The following ERC2 variants were observed in gnomAD, a reference collection of about 807,000 sequenced individuals.
ERC2 encodes the protein ERC protein 2.
Under a neutral mutation model 114.8 loss-of-function variants are expected in ERC2, and 42 were observed. The ratio of observed to expected loss-of-function variants is 0.37; its 90% CI spans 0.29 to 0.47. The LOEUF (loss-of-function observed/expected upper bound fraction) is 0.47, where lower values mean the gene tolerates loss of function less well. ERC2 is among the 20% of genes least tolerant of loss of function. The pLI is 0.99. For missense variants in ERC2, 939 were observed against 1,150.7 expected (o/e 0.82, Z 2.66); for synonymous variants, 454 against 425.5 (o/e 1.07, Z -0.82).
intron 17 of ERC2, among the ~76,000 whole-genome samples, chr3:55,550,605 G>A (rs1278058588): frequency 6.6e-6 from 1 of 152,194 alleles, no homozygotes; most frequent in Admixed American, 6.5e-5. Context: ...AGGGGATGGG[G>A]AGAAGACTGA....
intron 14 of ERC2, among the ~76,000 whole-genome samples, chr3:55,833,580 G>T (rs890251138): frequency 3.9e-5 from 6 of 152,080 alleles, no homozygotes; most frequent in Non-Finnish European, 8.8e-5. Flanking sequence ...GTCATCACCA[G>T]GCCTGCCCTA....
At chr3:55,922,764 C>T (rs528164239) in intron 13 of ERC2, among the ~76,000 whole-genome samples, 1 of 152,160 alleles carries the variant, frequency 6.6e-6, no homozygotes, top group East Asian at 1.9e-4. Context: ...AAAGTTGACT[C>T]AATTTGAATG....
chr3:56,423,760 G>A (rs1267526721), intron 2 of ERC2, among the ~76,000 whole-genome samples: 1 of 152,104 alleles, frequency 6.6e-6, no homozygotes, highest in Non-Finnish European at 1.5e-5. Context: ...GCACTCCCAC[G>A]CTCTACCTAA....
At position 55,628,435 on chromosome 3, in the gene ERC2, G is replaced by C. The variant is rs79067587; in HGVS notation, c.*39+55359C>G. Among the ~76,000 whole-genome samples the C allele has an allele frequency of 7.3e-3, 1,110 of 152,302 alleles. 17 individuals carry two copies. Among genetic ancestry groups the C allele is most frequent in the African/African-American group, 0.024 (998 of 41,560 alleles). ...CATGCAGGTCTATGATATACATAGGGTCTTTTCAAAGATTCAGCTTTTATT... is the reference window on the plus strand; with the variant it reads ...CATGCAGGTCTATGATATACATAGGCTCTTTTCAAAGATTCAGCTTTTATT... On this transcript the variant is annotated intron_variant, in intron 17 of 17. Coordinates refer to ENST00000288221, the MANE Select transcript of ERC2 (RefSeq NM_015576.3).
At chr3:56,467,610 A>T (rs752478289) in intron 1 of ERC2, among the ~76,000 whole-genome samples, 1 of 151,852 alleles carries the variant, frequency 6.6e-6, no homozygotes, top group African/African-American at 2.4e-5. Flanking sequence ...TATAATTAGG[A>T]GATGGGGAGG....
chr3:55,849,914 A>G (rs2149237976), intron 14 of ERC2, among the ~76,000 whole-genome samples: 1 of 152,342 alleles, frequency 6.6e-6, no homozygotes, highest in South Asian at 2.1e-4. Flanking sequence ...ATAATAAATT[A>G]CCGCTATGGT....
At chr3:56,029,891 T>C (rs960801842) in intron 7 of ERC2, among the ~76,000 whole-genome samples, 30 of 152,122 alleles carry the variant, frequency 2.0e-4, no homozygotes, top group African/African-American at 4.3e-4. Flanking sequence ...TTCTGGGTTA[T>C]TGAGGTAGGA....
In ERC2 at chr3:56,435,036, G is replaced by A; in HGVS notation, c.-29C>T. On this transcript the variant is annotated 5_prime_UTR_variant, in exon 2 of 18. Transcript: ENST00000288221. ...TCTTGTATTATGAGGTGTTACTGAA[G>A]AGAAGAAATGCTATATTAAGTTGGG... 1 of 1,532,436 alleles carries A rather than the reference G, an allele frequency of 6.5e-7. No individual in the cohort carries two copies. Among genetic ancestry groups the A allele is most frequent in the Non-Finnish European group, 8.8e-7 (1 of 1,134,286 alleles). The allele number at this position is 1,532,436 out of a possible 1,614,324, so 94.9% of individuals were successfully genotyped here.
chr3:55,617,466 C>G (rs1412080259), intron 17 of ERC2, among the ~76,000 whole-genome samples: 1 of 152,152 alleles, frequency 6.6e-6, no homozygotes, highest in Non-Finnish European at 1.5e-5. Context: ...GGAGACTTAC[C>G]AAGTTGGGCT....
intron 17 of ERC2, among the ~76,000 whole-genome samples, chr3:55,564,960 T>C (rs1216902324): frequency 6.6e-6 from 1 of 152,214 alleles, no homozygotes; most frequent in Non-Finnish European, 1.5e-5. Flanking sequence ...AAAGCAACCA[T>C]GCATAATATG....
intron 10 of ERC2, among the ~76,000 whole-genome samples, chr3:55,998,618 T>C (rs1183199352): frequency 2.0e-5 from 3 of 152,172 alleles, no homozygotes; most frequent in African/African-American, 4.8e-5. Flanking sequence ...TCGAATACTT[T>C]TCAGAAATAG....
At chr3:55,664,640 C>T (rs1439158976) in intron 17 of ERC2, among the ~76,000 whole-genome samples, 1 of 152,148 alleles carries the variant, frequency 6.6e-6, no homozygotes, top group African/African-American at 2.4e-5. Flanking sequence ...TGTCTCTGCA[C>T]AGGCTGAGAG....
chr3:55,556,160 A>G (rs1043227527), intron 17 of ERC2, among the ~76,000 whole-genome samples: 1 of 152,172 alleles, frequency 6.6e-6, no homozygotes, highest in African/African-American at 2.4e-5. Flanking sequence ...ACGTGACTGC[A>G]TTTCCTAACT....
At chr3:55,992,721 C>T (rs904093995) in intron 10 of ERC2, among the ~76,000 whole-genome samples, 4 of 152,124 alleles carry the variant, frequency 2.6e-5, no homozygotes, top group Admixed American at 6.5e-5. Context: ...AGCCAGATAA[C>T]ATATAAGAGA....
At position 55,829,670 on chromosome 3, in the gene ERC2, AC is replaced by A. The variant is rs553787598; in HGVS notation, c.2564+58718del. Among the ~76,000 whole-genome samples the A allele has an allele frequency of 1.3e-3, 194 of 152,290 alleles. 1 individual carries two copies. Among genetic ancestry groups the A allele is most frequent in the African/African-American group, 4.4e-3 (182 of 41,566 alleles). On this transcript the variant is annotated intron_variant, in intron 14 of 17. Transcript: ENST00000288221. ...GCTGGGACCACAGGTGTGCACCACC[AC>A]ATCCAGTTAATTGCTTTTTAAAATT...
At chr3:56,152,208 A>G (rs1352010) in intron 4 of ERC2, among the ~76,000 whole-genome samples, 11,896 of 152,206 alleles carry the variant, frequency 0.078, 636 homozygotes, top group East Asian at 0.14. Context: ...GCATTAACAT[A>G]AATGGCTCTG....
chr3:55,549,170 C>A (rs1240464030), intron 17 of ERC2, among the ~76,000 whole-genome samples: 1 of 152,170 alleles, frequency 6.6e-6, no homozygotes. Context: ...GGATTCACCA[C>A]TGACTCAAAG....
At chr3:56,013,823 C>A (rs2073122929) in intron 8 of ERC2, among the ~76,000 whole-genome samples, 1 of 152,084 alleles carries the variant, frequency 6.6e-6, no homozygotes. Flanking sequence ...AGCAGAGCAG[C>A]TGAATCAGAA....
chr3:55,616,299 T>C (rs2059119956), intron 17 of ERC2, among the ~76,000 whole-genome samples: 2 of 140,420 alleles, frequency 1.4e-5, no homozygotes, highest in Admixed American at 7.3e-5. Flanking sequence ...AGCAGCCACT[T>C]AGGAAAGGAG....
Sources: gnomAD v4.1 joint callset for allele counts (sites outside exome capture counted in the v4.1 genomes callset) on GRCh38, gnomAD v4.1.1 for gene constraint, MANE v1.5 for transcripts, NCBI Gene and HGNC (gene_info 2026-07-23, HGNC 2026-07-21) for gene names.